Variants in CACNA1C observed in about 807,000 individuals in gnomAD.
CACNA1C encodes voltage-dependent L-type calcium channel subunit alpha-1C.
In CACNA1C, 30 loss-of-function variants were observed where a neutral mutation model predicts 229.0. The observed-to-expected ratio is 0.13, with a 90% CI of 0.10 to 0.18. CACNA1C has a LOEUF of 0.18. Ranked by LOEUF, CACNA1C falls within the 10% of genes least tolerant of loss-of-function variation. CACNA1C has a pLI of 1.00. For synonymous variants in CACNA1C, 1,114 were observed against 1,132.5 expected, an observed-to-expected ratio of 0.98 and a Z score of 0.33; for missense variants, 1,658 against 2,845.0, an observed-to-expected ratio of 0.58 and a Z score of 9.49.
intron 3 of CACNA1C, among the ~76,000 whole-genome samples, chr12:2,229,983 G>T (rs887945745): frequency 3.3e-5 from 5 of 152,214 alleles, no homozygotes; most frequent in African/African-American, 9.6e-5. Context: ...GTGACGAGGG[G>T]TCTGTCCTGT....
intron 3 of CACNA1C, among the ~76,000 whole-genome samples, chr12:2,253,262 T>A (rs1256856058): frequency 6.6e-6 from 1 of 152,248 alleles, no homozygotes; most frequent in Non-Finnish European, 1.5e-5. Context: ...TATTAGGAAG[T>A]CCTTCGAAGC....
intron 3 of CACNA1C, among the ~76,000 whole-genome samples, chr12:2,383,968 A>G (rs1170817681): frequency 1.3e-5 from 2 of 152,218 alleles, no homozygotes; most frequent in African/African-American, 2.4e-5. Context: ...GAGCAGGGAA[A>G]TCACAGATCC....
At chr12:2,385,566 T>C (rs2098364691) in intron 3 of CACNA1C, among the ~76,000 whole-genome samples, 1 of 152,118 alleles carries the variant, frequency 6.6e-6, no homozygotes, top group African/African-American at 2.4e-5. Context: ...TGGCAGCTTT[T>C]GCCTGGAAAT....
At position 1,971,288 on chromosome 12, in the gene CACNA1C, C is replaced by A; in HGVS notation, c.139+87C>A. 2 of 726,994 alleles carry A rather than the reference C, an allele frequency of 2.8e-6. No homozygotes were observed. The highest frequency in any genetic ancestry group is 2.0e-6 in the Non-Finnish European group (1 of 498,886). The allele number at this position is 726,994 out of a possible 1,614,324, so 45.0% of individuals were successfully genotyped here. A position where few individuals can be genotyped will look rare whatever the true frequency, so the allele number is the denominator to read the frequency against. On this transcript the variant is annotated intron_variant, in intron 1 of 46. Transcript: ENST00000682462. This position sits in a 1 kb window ranked among gnomAD's most constrained non-coding sequence, Gnocchi z 4.2. The stretch of plus-strand genomic sequence containing the variant: ...CCTAATGATACCTAGAATGTGACTT[C>A]CTCACTCTAAGAACTCATCTCTCCA...
At chr12:2,291,268 G>T (rs1003385114) in intron 3 of CACNA1C, among the ~76,000 whole-genome samples, 4 of 152,168 alleles carry the variant, frequency 2.6e-5, no homozygotes, top group African/African-American at 9.7e-5. Context: ...TAATGACGGG[G>T]ACTTAAAATC....
intron 5 of CACNA1C, among the ~76,000 whole-genome samples, chr12:2,477,597 G>A (rs1002179273): frequency 6.6e-6 from 1 of 152,268 alleles, no homozygotes; most frequent in South Asian, 2.1e-4. Context: ...CTGTAGTTGG[G>A]TTCAGTCGAT....
At chr12:2,182,818 C>T (rs145661063) in intron 3 of CACNA1C, among the ~76,000 whole-genome samples, 3 of 152,220 alleles carry the variant, frequency 2.0e-5, no homozygotes, top group African/African-American at 4.8e-5. Context: ...CACCCTGCAG[C>T]GGCTCAGGGA....
At chr12:2,631,757 C>T (rs2090502288) in intron 29 of CACNA1C, among the ~76,000 whole-genome samples, 1 of 152,258 alleles carries the variant, frequency 6.6e-6, no homozygotes, top group African/African-American at 2.4e-5. Flanking sequence ...TCTGCTTCAC[C>T]CATCCTGGCT....
intron 19 of CACNA1C, among the ~76,000 whole-genome samples, chr12:2,593,647 C>T (rs901860978): frequency 1.3e-5 from 2 of 152,188 alleles, no homozygotes; most frequent in African/African-American, 4.8e-5. Flanking sequence ...TCAAGAACCT[C>T]CTCCTGTATA....
Position 2,691,101 on chromosome 12 carries a change from C to A in CACNA1C, c.6319C>A (p.Arg2107=). The A allele has an allele frequency of 3.7e-6, 6 of 1,612,040 alleles. No homozygotes were observed. Among genetic ancestry groups the A allele is most frequent in the Non-Finnish European group, 5.1e-6 (6 of 1,179,106 alleles). The part of the protein sequence containing the change: ...FVNCRDAGQD[R]AGGEEDAGCV... ...GAACTGCAGGGACGCGGGGCAGGAC[C>A]GAGCCGGGGGCGAAGAGGACGCGGG... Residue 2107 remains arginine (R), a synonymous_variant, in exon 47 of 47, where the codon CGA becomes AGA. Transcript: ENST00000399655.
intron 3 of CACNA1C, among the ~76,000 whole-genome samples, chr12:2,206,268 T>C (rs752513599): frequency 7.9e-5 from 12 of 152,284 alleles, no homozygotes; most frequent in Non-Finnish European, 1.3e-4. Flanking sequence ...TGATGACTTA[T>C]GAAATGTGGA....
chr12:2,255,309 T>C (rs1445419939), intron 3 of CACNA1C, among the ~76,000 whole-genome samples: 2 of 151,428 alleles, frequency 1.3e-5, no homozygotes, highest in Non-Finnish European at 2.9e-5. Context: ...GAAAGCACCA[T>C]TCCCCAGGTG....
intron 18 of CACNA1C, among the ~76,000 whole-genome samples, chr12:2,591,630 G>A (rs985999203): frequency 4.6e-5 from 7 of 151,852 alleles, no homozygotes; most frequent in South Asian, 2.1e-4. Context: ...GAGATGAAGC[G>A]CAGCTCAAAC....
At chr12:2,070,653 G>T (rs140429041) in intron 1 of CACNA1C, among the ~76,000 whole-genome samples, 1 of 152,258 alleles carries the variant, frequency 6.6e-6, no homozygotes, top group East Asian at 1.9e-4. Flanking sequence ...CAGTCTAAAT[G>T]AATAATCAAT....
At chr12:2,256,308 A>G (rs2077769730) in intron 3 of CACNA1C, among the ~76,000 whole-genome samples, 1 of 152,232 alleles carries the variant, frequency 6.6e-6, no homozygotes, top group Non-Finnish European at 1.5e-5. Context: ...GTAATCAGTC[A>G]CCTTGGGCAC....
At chr12:2,542,474 A>G (rs2099873095) in intron 9 of CACNA1C, among the ~76,000 whole-genome samples, 1 of 152,164 alleles carries the variant, frequency 6.6e-6, no homozygotes, top group Non-Finnish European at 1.5e-5. Context: ...CCACAGCTGT[A>G]AGAAGCCTGG....
intron 1 of CACNA1C, among the ~76,000 whole-genome samples, chr12:2,005,539 G>T (rs1177622459): frequency 6.6e-6 from 1 of 152,200 alleles, no homozygotes; most frequent in Non-Finnish European, 1.5e-5. Context: ...TAATTTTTAA[G>T]CCTTCAAGCC....
rs564965584 is a variant in CACNA1C, at chr12:1,995,071, A to AT, written c.139+23877dup. Among the ~76,000 whole-genome samples the AT allele has an allele frequency of 1.9e-3, 291 of 152,166 alleles. 1 individual carries two copies. The Middle Eastern group carries it at 0.021, about 11-fold the overall frequency. ...AGAAAAGACTAAAAAACAGCAAAGG[A>AT]TTTTTTTCTCAATTTAATGTTTTGT... is the stretch of plus-strand genomic sequence containing the variant. On this transcript the variant is annotated intron_variant, in intron 1 of 46. Transcript: ENST00000682462.
intron 7 of CACNA1C, among the ~76,000 whole-genome samples, chr12:2,502,126 T>C (rs991039433): frequency 6.6e-6 from 1 of 152,198 alleles, no homozygotes; most frequent in Non-Finnish European, 1.5e-5. Context: ...GTGGAAGCCT[T>C]CTGGGACCCT....
Sources: gnomAD v4.1 joint callset for allele counts (sites outside exome capture counted in the v4.1 genomes callset) on GRCh38, gnomAD v4.1.1 for gene constraint, Gnocchi (gnomAD v3.1) non-coding constraint, MANE v1.5 for transcripts, NCBI Gene and HGNC (gene_info 2026-07-23, HGNC 2026-07-21) for gene names.